The following TUBAL3 variants were observed in gnomAD, a reference collection of about 807,000 sequenced individuals.
The protein encoded by TUBAL3 is tubulin alpha chain-like 3.
Under a neutral mutation model 15.5 loss-of-function variants are expected in TUBAL3, and 16 were observed. The observed-to-expected ratio is 1.04, with a 90% confidence interval of 0.70 to 1.57. The LOEUF is 1.57. Ranked by LOEUF, TUBAL3 falls within the 40% of genes most tolerant of loss-of-function variation. The pLI, the probability that TUBAL3 is intolerant of heterozygous loss-of-function variation, is 0.00. For synonymous variants in TUBAL3, 238 were observed against 224.3 expected, an observed-to-expected ratio of 1.06 and a Z score of -0.55; for missense variants, 609 against 576.2, an observed-to-expected ratio of 1.06 and a Z score of -0.58.
chr10:5,403,871 T>C (rs1297168862), intron 1 of TUBAL3, among the ~76,000 whole-genome samples: 2 of 152,260 alleles, frequency 1.3e-5, no homozygotes, highest in South Asian at 2.1e-4. Flanking sequence ...ATTATTTGAA[T>C]TACTAGAAAA....
At position 5,396,572 on chromosome 10, in the gene TUBAL3, T is replaced by C. The variant is rs1223227482; in HGVS notation, c.248-1097A>G. Among the ~76,000 whole-genome samples the C allele has an allele frequency of 4.6e-5, 7 of 152,192 alleles. No individual in the cohort carries two copies. Among genetic ancestry groups the C allele is most frequent in the Non-Finnish European group, 5.9e-5 (4 of 68,030 alleles). ...GAATATCCATCTTTTAAATCTGCTTTAAAAGAGGATTTAACAGGGAAGGCA... is the reference window on the plus strand; with the variant it reads ...GAATATCCATCTTTTAAATCTGCTTCAAAAGAGGATTTAACAGGGAAGGCA... On this transcript the variant is annotated intron_variant, in intron 2 of 3. Coordinates refer to ENST00000380419, the MANE Select transcript of TUBAL3 (RefSeq NM_024803.3). The surrounding 1 kb of genome is among the most constrained non-coding windows in gnomAD (Gnocchi z 5.1).
At position 5,393,530 on chromosome 10, in the gene TUBAL3, G is replaced by A. The variant is rs184794884; in HGVS notation, c.1328C>T (p.Ala443Val). ...AALERDYEEV[A>V]QSF ...ATCATACATGCCTCAGAAACTTTGC[G>A]CCACTTCCTCATAGTCCCTCTCCAG... Residue 443 changes from alanine (A) to valine (V), a missense_variant, in exon 4 of 4, where the codon GCG (alanine) becomes GTG (valine). Coordinates refer to ENST00000380419, the MANE Select transcript of TUBAL3 (RefSeq NM_024803.3). The A allele has an allele frequency of 3.0e-5, 48 of 1,602,990 alleles. No individual in the cohort carries two copies. Among genetic ancestry groups the A allele is most frequent in the Admixed American group, 5.1e-5 (3 of 58,368 alleles).
rs751991687 is a variant in TUBAL3 at position 5,394,167 on chromosome 10, G to A, written c.691C>T (p.His231Tyr). 17 of 1,614,080 alleles carry A rather than the reference G, an allele frequency of 1.1e-5. No homozygotes were observed. The highest frequency in any genetic ancestry group is 1.3e-5 in the Non-Finnish European group (15 of 1,180,044). The part of the protein sequence containing the change: ...HRKLGVECPS[H>Y]ASINRLVVQV... ...ACCACCAATCTATTGATGCTGGCAT[G>A]AGAGGGGCATTCAACACCGAGTTTA... The change falls in exon 4 of 4, where the codon CAT becomes TAT. Residue 231 changes from histidine to tyrosine, a missense_variant. By Grantham distance (83) the His-to-Tyr change is moderately conservative (BLOSUM62 2). Transcript: ENST00000380419. This position sits in a 1 kb window ranked among gnomAD's most constrained non-coding sequence, Gnocchi z 4.3.
rs1356236500 is a variant in TUBAL3 at position 5,395,640 on chromosome 10, CAGG to C, written c.248-168_248-166del. ...AGTGCTGAATTAGCCCGTCTTAGTC[CAGG>C]AGAAGTGGAATTTTTTACATATACA... On this transcript the variant is annotated intron_variant, in intron 2 of 3. Coordinates refer to ENST00000380419, the MANE Select transcript of TUBAL3 (RefSeq NM_024803.3). This position sits in a 1 kb window ranked among gnomAD's most constrained non-coding sequence, Gnocchi z 4.6. 6.6e-6 allele frequency among the ~76,000 whole-genome samples: 1 copy of C among 152,168 alleles called. No homozygotes were observed. The highest frequency in any genetic ancestry group is 1.5e-5 in the Non-Finnish European group (1 of 68,028).
chr10:5,397,857 C>G lies in TUBAL3; in HGVS notation c.248-2382G>C, dbSNP rs1333881346. On this transcript the variant is annotated intron_variant, in intron 2 of 3. Transcript: ENST00000380419. This position sits in a 1 kb window ranked among gnomAD's most constrained non-coding sequence, Gnocchi z 4.9. ...TGCCCTAACTTCACCCTTGAGCCTG[C>G]CCCAGACCATCTTCCCAGACTCATC... Among the ~76,000 whole-genome samples, 1 of 152,226 alleles carries G rather than the reference C, an allele frequency of 6.6e-6. No homozygotes were observed. Among genetic ancestry groups the G allele is most frequent in the Non-Finnish European group, 1.5e-5 (1 of 68,040 alleles).
chr10:5,401,236 G>A, intron 1 of TUBAL3, 149 bp from the exon 2 acceptor site: 1 of 962,352 alleles, frequency 1.0e-6, no homozygotes, highest in East Asian at 2.6e-5. Flanking sequence ...AGCGTTTCAT[G>A]GAAACCAAGA....
chr10:5,395,505 C>T lies in TUBAL3; in HGVS notation c.248-30G>A, dbSNP rs1274529707. On this transcript the variant is annotated intron_variant, in intron 2 of 3. Coordinates refer to ENST00000380419, the MANE Select transcript of TUBAL3 (RefSeq NM_024803.3). This position sits in a 1 kb window ranked among gnomAD's most constrained non-coding sequence, Gnocchi z 4.6. ...AGAGGGTGAAAGGAGGTCAGTGCAA[C>T]TCACCCAGTGCAATTCAGCCGTCCA... 4.9e-6 allele frequency: 7 copies of T among 1,439,246 alleles called. No individual in the cohort carries two copies. In the African/African-American group the frequency reaches 1.0e-4, roughly 21 times the overall value. 89.2% of individuals were successfully genotyped at this position (1,439,246 alleles called of 1,614,324 possible).
At chr10:5,398,482 C>G (rs1277899579) in intron 2 of TUBAL3, among the ~76,000 whole-genome samples, 2 of 149,158 alleles carry the variant, frequency 1.3e-5, no homozygotes, top group African/African-American at 2.5e-5. Context: ...GCCTGTAGTC[C>G]AAGCTACTCA....
At position 5,395,936 on chromosome 10, in the gene TUBAL3, G is replaced by A. The variant is rs2119141049; in HGVS notation, c.248-461C>T. On this transcript the variant is annotated intron_variant, in intron 2 of 3. Transcript: ENST00000380419. This position sits in a 1 kb window ranked among gnomAD's most constrained non-coding sequence, Gnocchi z 4.6. ...CTACCCCCTTCCAATCTCTACCTCT[G>A]GCATACAAGCCTTTTCCCCTGTATG... Among the ~76,000 whole-genome samples the A allele has an allele frequency of 6.6e-6, 1 of 152,114 alleles. No individual in the cohort carries two copies. Among genetic ancestry groups the A allele is most frequent in the East Asian group, 1.9e-4 (1 of 5,140 alleles).
At chr10:5,402,434 T>G (rs1425994480) in intron 1 of TUBAL3, among the ~76,000 whole-genome samples, 2 of 152,206 alleles carry the variant, frequency 1.3e-5, no homozygotes, top group Non-Finnish European at 2.9e-5. Context: ...GACCCCCATG[T>G]CTTCTGCATC....
Position 5,394,379 on chromosome 10 carries a change from AAG to A in TUBAL3, c.477_478del (p.Leu160AsnfsTer9). ...ATATTCTCCTGTGAGCCTCTCCATT[AAG>A]AGAGACGTAAACCCTGAACCAGTGC... On this transcript the variant is annotated frameshift_variant, in exon 4 of 4. Transcript: ENST00000380419. LOFTEE classifies it low-confidence loss of function (END_TRUNC). The surrounding 1 kb of genome is among the most constrained non-coding windows in gnomAD (Gnocchi z 4.3). The A allele has an allele frequency of 6.2e-7, 1 of 1,614,168 alleles. No individual in the cohort carries two copies. The highest frequency in any genetic ancestry group is 2.2e-5 in the East Asian group (1 of 44,878).
chr10:5,395,404 C>G lies in TUBAL3; in HGVS notation c.319G>C (p.Ala107Pro). Residue 107 changes from alanine (A) to proline (P), a missense_variant, in exon 3 of 4, where the codon GCT (alanine) becomes CCT (proline). Transcript: ENST00000380419. This position sits in a 1 kb window ranked among gnomAD's most constrained non-coding sequence, Gnocchi z 4.6. ...TAACGGCCTCGCGCGTAATTGTTAGCAGCATCCTCCTTTCCGCTAAGGAGC... is the reference window on the plus strand; with the variant it reads ...TAACGGCCTCGCGCGTAATTGTTAGGAGCATCCTCCTTTCCGCTAAGGAGC... ...EQLLSGKEDA[A>P]NNYARGRYSV... 9 of 1,606,274 alleles carry G rather than the reference C, an allele frequency of 5.6e-6. No homozygotes were observed. The highest frequency in any genetic ancestry group is 6.0e-6 in the Non-Finnish European group (7 of 1,175,370).
Position 5,400,858 on chromosome 10 carries a change from T to A in TUBAL3, c.233A>T (p.Glu78Val). ...ATTTATTGTACCTATAACAGTTGGC[T>A]CCAAGTCCACGAAGAGTGCTCTAGG... is the stretch of plus-strand genomic sequence containing the variant. ...HVPRALFVDL[E>V]PTVIDGIRTG... The change falls in exon 2 of 4, where the codon GAG becomes GTG. Residue 78 changes from glutamate to valine, a missense_variant. Transcript: ENST00000380419. 2 of 1,614,198 alleles carry A rather than the reference T, an allele frequency of 1.2e-6. No homozygotes were observed. Among genetic ancestry groups the A allele is most frequent in the Non-Finnish European group, 1.7e-6 (2 of 1,180,034 alleles).
chr10:5,394,268 G>A lies in TUBAL3; in HGVS notation c.590C>T (p.Thr197Ile). The A allele has an allele frequency of 6.2e-7, 1 of 1,614,160 alleles. No individual in the cohort carries two copies. Among genetic ancestry groups the A allele is most frequent in the East Asian group, 2.2e-5 (1 of 44,876 alleles). Residue 197 changes from threonine to isoleucine, a missense_variant, in exon 4 of 4, where the codon ACC (threonine) becomes ATC (isoleucine). Thr to Ile is a moderately conservative substitution (Grantham distance 89, BLOSUM62 -1). Coordinates refer to ENST00000380419, the MANE Select transcript of TUBAL3 (RefSeq NM_024803.3). The surrounding 1 kb of genome is among the most constrained non-coding windows in gnomAD (Gnocchi z 4.3). ...AVVEPYNSVL[T>I]THSTTEHTDC... ...CGTGTGCTCTGTGGTGGAGTGGGTGGTGAGGACAGAGTTATAAGGCTCTAC... is the reference window on the plus strand; with the variant it reads ...CGTGTGCTCTGTGGTGGAGTGGGTGATGAGGACAGAGTTATAAGGCTCTAC...
In TUBAL3 at chr10:5,395,891, T is replaced by C. The variant is rs1210632791; in HGVS notation, c.248-416A>G. On this transcript the variant is annotated intron_variant, in intron 2 of 3. Coordinates refer to ENST00000380419, the MANE Select transcript of TUBAL3 (RefSeq NM_024803.3). This position sits in a 1 kb window ranked among gnomAD's most constrained non-coding sequence, Gnocchi z 4.6. ...CTGGCACCGGGTGACTTACAATTCT[T>C]AGCTCTCCTTGGCTTCTAGCTACCC... 6.6e-6 allele frequency among the ~76,000 whole-genome samples: 1 copy of C among 152,156 alleles called. No homozygotes were observed. Among genetic ancestry groups the C allele is most frequent in the African/African-American group, 2.4e-5 (1 of 41,434 alleles).
rs116413851 is a variant in TUBAL3, at chr10:5,394,795, C to A, written c.397-334G>T. Among the ~76,000 whole-genome samples the A allele has an allele frequency of 2.9e-3, 444 of 152,276 alleles. 1 individual carries two copies. The highest frequency in any genetic ancestry group is 0.01 in the African/African-American group (422 of 41,542). ...CAAAACACTGAAGCAAAATAACATT[C>A]CCCCCACGTCTATGCTCCATCTGGC... On this transcript the variant is annotated intron_variant, in intron 3 of 3. Coordinates refer to ENST00000380419, the MANE Select transcript of TUBAL3 (RefSeq NM_024803.3). This position sits in a 1 kb window ranked among gnomAD's most constrained non-coding sequence, Gnocchi z 4.3.
chr10:5,404,788 A>C lies in TUBAL3; in HGVS notation c.3+2T>G, dbSNP rs1554814920. On this transcript the variant is annotated splice_donor_variant, in intron 1 of 3. Transcript: ENST00000380419. LOFTEE classifies it high-confidence loss of function. ...ACAATGCATAGGCGTGTAGTCACTT[A>C]CCATGCTGATGAGAACGTGCCCTTC... The C allele has an allele frequency of 6.2e-7, 1 of 1,613,686 alleles. No individual in the cohort carries two copies. The highest frequency in any genetic ancestry group is 2.2e-5 in the East Asian group (1 of 44,880).
intron 2 of TUBAL3, among the ~76,000 whole-genome samples, chr10:5,398,492 A>C (rs1831799918): frequency 6.6e-6 from 1 of 150,966 alleles, no homozygotes; most frequent in Non-Finnish European, 1.5e-5. Context: ...CAAGCTACTC[A>C]GGACCCCAAA....
At chr10:5,404,714 T>A in intron 1 of TUBAL3, 76 bp downstream of exon 1, 1 of 1,436,834 alleles carries the variant, frequency 7.0e-7, no homozygotes, top group East Asian at 2.3e-5. Context: ...TTATTAAGAA[T>A]TGTTTGCTGT....
Sources: allele counts gnomAD v4.1 joint callset (sites outside exome capture counted in the v4.1 genomes callset), GRCh38; gene constraint gnomAD v4.1.1; non-coding constraint Gnocchi (gnomAD v3.1); transcripts MANE v1.5; gene names NCBI Gene and HGNC (gene_info 2026-07-23, HGNC 2026-07-21).